SNTG2: variants seen among roughly 807,000 people sequenced by gnomAD.
SNTG2 encodes gamma-2-syntrophin.
SNTG2 carries 74 observed loss-of-function variants against 70.9 expected under a neutral mutation model. That is an observed-to-expected ratio of 1.04 (90% confidence interval 0.86 to 1.27). SNTG2 has a LOEUF of 1.27. SNTG2 is among the 50% of genes most tolerant of loss of function. The pLI is 0.00. For synonymous variants in SNTG2, 278 were observed against 273.8 expected (o/e 1.02, Z -0.15); for missense variants, 717 against 690.7 (o/e 1.04, Z -0.43).
In SNTG2 at chr2:965,187, GT is replaced by G. The variant is rs1214179457; in HGVS notation, c.72+14120del. Among the ~76,000 whole-genome samples, 546 of 95,406 alleles carry G rather than the reference GT, an allele frequency of 5.7e-3. 27 individuals are homozygous for G. Among genetic ancestry groups the G allele is most frequent in the Admixed American group, 6.1e-3 (50 of 8,250 alleles). The allele number at this position is 95,406 out of a possible 152,430, so 62.6% of individuals were successfully genotyped here. ...TCCTTGGACCCCAATCCTCCTCCTG[GT>G]CCCCAGTCCTCCTCCTGGTCCCCAA... On this transcript the variant is annotated intron_variant, in intron 1 of 16. Transcript: ENST00000308624.
chr2:1,072,670 A>C (rs183598553), intron 1 of SNTG2, among the ~76,000 whole-genome samples: 5 of 152,310 alleles, frequency 3.3e-5, no homozygotes, highest in African/African-American at 1.2e-4. Context: ...ATCAAGGTGT[A>C]GTGTTGACTT....
chr2:1,163,972 A>G (rs928229844), intron 6 of SNTG2, among the ~76,000 whole-genome samples: 11 of 152,214 alleles, frequency 7.2e-5, no homozygotes, highest in African/African-American at 2.7e-4. Flanking sequence ...CATTCAAGCT[A>G]CATCAGGTGT....
At chr2:1,225,218 G>C (rs528148163) in intron 9 of SNTG2, among the ~76,000 whole-genome samples, 123 of 152,268 alleles carry the variant, frequency 8.1e-4, no homozygotes, top group African/African-American at 2.9e-3. Context: ...TAGGATGATT[G>C]TGAGGGCTAA....
chr2:1,149,672 GTTTTTTTT>G (rs1221169268), intron 6 of SNTG2, among the ~76,000 whole-genome samples: 83 of 146,264 alleles, frequency 5.7e-4, no homozygotes, highest in East Asian at 1.0e-3. Context: ...GTTGATTAGC[GTTTTTTTT>G]TTTTTTTTTT....
At chr2:1,109,918 C>T (rs1021536988) in intron 4 of SNTG2, among the ~76,000 whole-genome samples, 2 of 152,152 alleles carry the variant, frequency 1.3e-5, no homozygotes, top group Non-Finnish European at 2.9e-5. Context: ...AACCTTCAGT[C>T]GTTCTCATGT....
At chr2:1,272,076 G>T (rs1350743854) in intron 14 of SNTG2, among the ~76,000 whole-genome samples, 1 of 152,142 alleles carries the variant, frequency 6.6e-6, no homozygotes, top group African/African-American at 2.4e-5. Flanking sequence ...TCCACGGACA[G>T]GGCCAGGGGG....
intron 1 of SNTG2, among the ~76,000 whole-genome samples, chr2:1,012,421 G>T (rs1037413378): frequency 6.6e-6 from 1 of 152,224 alleles, no homozygotes; most frequent in Non-Finnish European, 1.5e-5. Flanking sequence ...CTACAGCTGG[G>T]TGGGTGGGTA....
intron 16 of SNTG2, among the ~76,000 whole-genome samples, chr2:1,359,660 A>C (rs1051825901): frequency 2.0e-5 from 3 of 152,092 alleles, no homozygotes; most frequent in Non-Finnish European, 2.9e-5. Context: ...AGAAGCTGAG[A>C]CTCAAAAATA....
At chr2:1,237,210 T>C (rs1676719971) in intron 9 of SNTG2, among the ~76,000 whole-genome samples, 1 of 152,244 alleles carries the variant, frequency 6.6e-6, no homozygotes, top group South Asian at 2.1e-4. Flanking sequence ...TCCAACGTCC[T>C]GTGATTATAG....
chr2:1,132,509 G>T (rs992979714), intron 4 of SNTG2, among the ~76,000 whole-genome samples: 2 of 152,116 alleles, frequency 1.3e-5, no homozygotes, highest in Admixed American at 6.5e-5. Flanking sequence ...TTTCCCTTAT[G>T]TTTTGTCATG....
intron 6 of SNTG2, among the ~76,000 whole-genome samples, chr2:1,146,012 A>G (rs1669077439): frequency 9.2e-5 from 14 of 152,200 alleles, no homozygotes; most frequent in Admixed American, 9.2e-4. Flanking sequence ...CATTTATGAT[A>G]TAAACTCTCA....
intron 1 of SNTG2, among the ~76,000 whole-genome samples, chr2:983,052 T>C (rs866670151): frequency 6.8e-6 from 1 of 146,490 alleles, no homozygotes; most frequent in Non-Finnish European, 1.5e-5. Context: ...GCAGAGGTGG[T>C]GTCAGGATGA....
At chr2:1,035,656 C>T (rs766168397) in intron 1 of SNTG2, among the ~76,000 whole-genome samples, 24 of 152,274 alleles carry the variant, frequency 1.6e-4, no homozygotes, top group Admixed American at 3.3e-4. Flanking sequence ...TAGTTGTTCT[C>T]ATGGGTTTTG....
At chr2:982,959 G>A (rs1055685247) in intron 1 of SNTG2, among the ~76,000 whole-genome samples, 7 of 152,180 alleles carry the variant, frequency 4.6e-5, no homozygotes, top group African/African-American at 1.7e-4. Flanking sequence ...AGCTGCGGAG[G>A]TAGTGGTCAG....
intron 16 of SNTG2, among the ~76,000 whole-genome samples, chr2:1,318,576 G>A (rs1681390679): frequency 6.6e-6 from 1 of 152,240 alleles, no homozygotes; most frequent in Non-Finnish European, 1.5e-5. Flanking sequence ...AGCAGGCAAG[G>A]CGCTGACCTC....
At chr2:1,185,842 A>G (rs1672211652) in intron 8 of SNTG2, among the ~76,000 whole-genome samples, 1 of 152,188 alleles carries the variant, frequency 6.6e-6, no homozygotes. Context: ...TTGGGCTATT[A>G]ACATTTGGCT....
At chr2:1,282,161 T>A (rs1401991075) in intron 14 of SNTG2, among the ~76,000 whole-genome samples, 2 of 152,192 alleles carry the variant, frequency 1.3e-5, no homozygotes, top group Non-Finnish European at 2.9e-5. Flanking sequence ...GTAATGTCCT[T>A]CCCGTGGCTC....
intron 2 of SNTG2, among the ~76,000 whole-genome samples, chr2:1,086,221 A>C (rs529484067): frequency 6.6e-6 from 1 of 152,204 alleles, no homozygotes; most frequent in African/African-American, 2.4e-5. Flanking sequence ...AGAGGGCTTC[A>C]ATCACGGAAA....
At chr2:1,152,618 G>A (rs1370241388) in intron 6 of SNTG2, among the ~76,000 whole-genome samples, 1 of 152,104 alleles carries the variant, frequency 6.6e-6, no homozygotes, top group Non-Finnish European at 1.5e-5. Context: ...GTGTGCACAT[G>A]TATGCATCTG....
Sources: gnomAD v4.1 joint callset for allele counts (sites outside exome capture counted in the v4.1 genomes callset) on GRCh38, gnomAD v4.1.1 for gene constraint, MANE v1.5 for transcripts, NCBI Gene and HGNC (gene_info 2026-07-23, HGNC 2026-07-21) for gene names.